MCAM: variants seen among roughly 807,000 people sequenced by gnomAD.
MCAM encodes the protein melanoma cell adhesion molecule, also known as cell surface glycoprotein MUC18.
A neutral mutation model predicts 79.1 loss-of-function variants in MCAM; 55 were observed. That is an observed-to-expected ratio of 0.70 (90% CI 0.56 to 0.87). The LOEUF is 0.87. MCAM is among the 40% of genes least tolerant of loss of function. The probability of loss-of-function intolerance (pLI) is 0.00; values close to 1 mark genes in which losing one functional copy is unlikely to be tolerated. For synonymous variants in MCAM, 330 were observed against 339.8 expected, an observed-to-expected ratio of 0.97 and a Z score of 0.32; for missense variants, 745 against 839.8, an observed-to-expected ratio of 0.89 and a Z score of 1.40.
Position 119,314,554 on chromosome 11 carries a change from T to C in MCAM, c.494A>G (p.Asn165Ser). The change falls in exon 5 of 16, where the codon AAC becomes AGC. Residue 165 changes from asparagine (N) to serine (S), a missense_variant. Asn to Ser is a conservative substitution (Grantham distance 46, BLOSUM62 1). Coordinates refer to ENST00000264036, the MANE Select transcript of MCAM (RefSeq NM_006500.3). ...PEEVATCVGRNGYPIPQVIWY... is the reference protein window; with the variant it reads ...PEEVATCVGRSGYPIPQVIWY... ...GATGACTTGAGGAATGGGGTACCCG[T>C]TCCTCCCTACACAGGTAGCGACCTA... 6.2e-7 allele frequency: 1 copy of C among 1,613,938 alleles called. No individual in the cohort carries two copies. Among genetic ancestry groups the C allele is most frequent in the Non-Finnish European group, 8.5e-7 (1 of 1,179,992 alleles).
chr11:119,308,545 GC>G lies in MCAM; in HGVS notation c.*1340del, dbSNP rs1950172713. ...AATGTATGATTTCTGGGACAATTAA[GC>G]TTTATTTTTCATATATATATATATT... On this transcript the variant is annotated 3_prime_UTR_variant, in exon 16 of 16. Transcript: ENST00000264036. 6.6e-6 allele frequency: 1 copy of G among 150,540 alleles called. No homozygotes were observed. Among genetic ancestry groups the G allele is most frequent in the Non-Finnish European group, 1.5e-5 (1 of 67,700 alleles). The allele number at this position is 150,540 out of a possible 1,614,324, so 9.3% of individuals were successfully genotyped here. A position where few individuals can be genotyped will look rare whatever the true frequency, so the allele number is the denominator to read the frequency against.
chr11:119,314,785 A>G (rs202170512), intron 3 of MCAM, 36 bp from the exon 4 acceptor site: 1 of 1,613,300 alleles, frequency 6.2e-7, no homozygotes, highest in East Asian at 2.2e-5. Context: ...ACATCTGGCC[A>G]CGTCCCACCA....
In MCAM at chr11:119,312,120, T is replaced by C. The variant is rs2135339932; in HGVS notation, c.1075A>G (p.Ser359Gly). The change falls in exon 9 of 16, where the codon AGC becomes GGC. Residue 359 changes from serine (S) to glycine (G), a missense_variant. Ser to Gly is a moderately conservative substitution (Grantham distance 56). Transcript: ENST00000264036. The surrounding 1 kb of genome is among the most constrained non-coding windows in gnomAD (Gnocchi z 4.9). Reference protein sequence around the residue: ...SPAAPERQEGSSLTLTCEAES... With the variant: ...SPAAPERQEGGSLTLTCEAES... ...GCCTCACAGGTCAGGGTGAGGCTGC[T>C]GCCTTCCTGTCTCTCAGGGGCTGCG... The C allele has an allele frequency of 6.2e-7, 1 of 1,613,578 alleles. No individual in the cohort carries two copies. The highest frequency in any genetic ancestry group is 8.5e-7 in the Non-Finnish European group (1 of 1,179,818).
In MCAM at chr11:119,316,991, G is replaced by A. The variant is rs1302060512; in HGVS notation, c.67+44C>T. 13 of 1,489,504 alleles carry A rather than the reference G, an allele frequency of 8.7e-6. No homozygotes were observed. In the African/African-American group the frequency reaches 1.7e-4, roughly 20 times the overall value. 92.3% of individuals were successfully genotyped at this position (1,489,504 alleles called of 1,614,324 possible). On this transcript the variant is annotated intron_variant, in intron 1 of 15. Transcript: ENST00000264036. The surrounding 1 kb of genome is among the most constrained non-coding windows in gnomAD (Gnocchi z 4.8). ...GCTCTGCTCCCTGGCACGCTCCACC[G>A]CAGACCCCTAGCCGGGGCGCGGCCC...
rs1174670895 is a variant in MCAM at position 119,312,342 on chromosome 11, C to A, written c.948G>T (p.Gly316=). ...AGTCCAGGCCCTGACATTCATAGCG[C>A]CCACTGTGTTCCTTCCGGGCAGGCT... The part of the protein sequence containing the change: ...VLEPARKEHS[G]RYECQGLDLD... Residue 316 remains glycine (G), a synonymous_variant, in exon 8 of 16, where the codon GGG becomes GGT. Transcript: ENST00000264036. The surrounding 1 kb of genome is among the most constrained non-coding windows in gnomAD (Gnocchi z 4.9). 1 of 1,614,132 alleles carries A rather than the reference C, an allele frequency of 6.2e-7. No individual in the cohort carries two copies.
rs879151591 is a variant in MCAM, at chr11:119,309,830, G to T, written c.*56C>A. The T allele has an allele frequency of 2.5e-5, 38 of 1,536,036 alleles. 2 individuals are homozygous for T. The Admixed American group carries it at 6.8e-4, about 28-fold the overall frequency. ...TTTGGAGGCTTTGGCTGAGAGAAGA[G>T]TGAGCAGGGAGCTGGGAATGGTCCA... On this transcript the variant is annotated 3_prime_UTR_variant, in exon 16 of 16. Coordinates refer to ENST00000264036, the MANE Select transcript of MCAM (RefSeq NM_006500.3).
chr11:119,313,004 C>T, intron 5 of MCAM, 55 bp from the exon 6 acceptor site: 1 of 1,610,886 alleles, frequency 6.2e-7, no homozygotes, highest in Non-Finnish European at 8.5e-7. Context: ...TCCAGCCCCA[C>T]CCTAGGGTTG....
In MCAM at chr11:119,316,814, C is replaced by A; in HGVS notation, c.67+221G>T. The stretch of plus-strand genomic sequence containing the variant: ...GTTCCCAGAAGCAGCCTCCTCCCCG[C>A]CTTCCGAGTGCTGCTCCCGGGATAC... On this transcript the variant is annotated intron_variant, in intron 1 of 15. Transcript: ENST00000264036. The surrounding 1 kb of genome is among the most constrained non-coding windows in gnomAD (Gnocchi z 4.8). 1 of 517,298 alleles carries A rather than the reference C, an allele frequency of 1.9e-6. No individual in the cohort carries two copies. The highest frequency in any genetic ancestry group is 3.4e-6 in the Non-Finnish European group (1 of 291,950). The allele number at this position is 517,298 out of a possible 1,614,324, so 32.0% of individuals were successfully genotyped here.
At position 119,312,160 on chromosome 11, in the gene MCAM, G is replaced by A. The variant is rs775757717; in HGVS notation, c.1035C>T (p.Asp345=). 35 of 1,612,608 alleles carry A rather than the reference G, an allele frequency of 2.2e-5. No individual in the cohort carries two copies. Among genetic ancestry groups the A allele is most frequent in the South Asian group, 8.8e-5 (8 of 90,854 alleles). Residue 345 remains aspartate, a synonymous_variant, in exon 9 of 16, where the codon GAC becomes GAT. Coordinates refer to ENST00000264036, the MANE Select transcript of MCAM (RefSeq NM_006500.3). This position sits in a 1 kb window ranked among gnomAD's most constrained non-coding sequence, Gnocchi z 4.9. The part of the protein sequence containing the change: ...PQELLVNYVS[D]VRVSPAAPER... ...CAGGGGCTGCGGGACTCACTCGGAC[G>A]TCAGACACATCTGGGGGTACAGCAA...
rs1198730071 is a variant in MCAM at position 119,309,180 on chromosome 11, TAGCC to T, written c.*702_*705del. The T allele has an allele frequency of 6.6e-6, 1 of 152,354 alleles. No individual in the cohort carries two copies. Among genetic ancestry groups the T allele is most frequent in the African/African-American group, 2.4e-5 (1 of 41,448 alleles). The allele number at this position is 152,354 out of a possible 1,614,324, so 9.4% of individuals were successfully genotyped here. On this transcript the variant is annotated 3_prime_UTR_variant, in exon 16 of 16. Transcript: ENST00000264036. ...TAGTAGAGACAGGGTTTCACCGTGT[TAGCC>T]AGGATGGTCTCGTCCTGACTTTGTG...
chr11:119,308,810 C>T lies in MCAM; in HGVS notation c.*1076G>A, dbSNP rs1441521767. 1 of 152,044 alleles carries T rather than the reference C, an allele frequency of 6.6e-6. No individual in the cohort carries two copies. Among genetic ancestry groups the T allele is most frequent in the Admixed American group, 6.5e-5 (1 of 15,272 alleles). The allele number at this position is 152,044 out of a possible 1,614,324, so 9.4% of individuals were successfully genotyped here. ...CTAATATAACCATAGCTTTAATCCC[C>T]ATGAAGGACAGTGTAGACCTCATCT... On this transcript the variant is annotated 3_prime_UTR_variant, in exon 16 of 16. Coordinates refer to ENST00000264036, the MANE Select transcript of MCAM (RefSeq NM_006500.3).
At chr11:119,313,312 C>G (rs1950262283) in intron 5 of MCAM, 1 of 1,320,768 alleles carries the variant, frequency 7.6e-7, no homozygotes, top group African/African-American at 1.5e-5. Context: ...ATAGACTGAC[C>G]CAGAAACATT....
intron 5 of MCAM, chr11:119,314,036 G>T: frequency 1.0e-6 from 1 of 981,976 alleles, no homozygotes; most frequent in Non-Finnish European, 1.2e-6. Context: ...CAGGCAAGAA[G>T]AAACTTCTAG....
rs1187708953 is a variant in MCAM at position 119,309,816 on chromosome 11, T to TGGCTGAGAGAAGAGTGAGCAGGG, written c.*47_*69dup. 6.8e-7 allele frequency: 1 copy of TGGCTGAGAGAAGAGTGAGCAGGG among 1,469,112 alleles called. No individual in the cohort carries two copies. The highest frequency in any genetic ancestry group is 9.4e-7 in the Non-Finnish European group (1 of 1,066,124). The allele number at this position is 1,469,112 out of a possible 1,614,324, so 91.0% of individuals were successfully genotyped here. ...TTCTCTCTAGTCCCTTTGGAGGCTTTGGCTGAGAGAAGAGTGAGCAGGGAG... is the reference window on the plus strand; with the variant it reads ...TTCTCTCTAGTCCCTTTGGAGGCTTTGGCTGAGAGAAGAGTGAGCAGGGGGCTGAGAGAAGAGTGAGCAGGGAG... On this transcript the variant is annotated 3_prime_UTR_variant, in exon 16 of 16. Coordinates refer to ENST00000264036, the MANE Select transcript of MCAM (RefSeq NM_006500.3).
rs1308544180 is a variant in MCAM, at chr11:119,315,378, C to T, written c.68-115G>A. 2 of 1,355,552 alleles carry T rather than the reference C, an allele frequency of 1.5e-6. No homozygotes were observed. The highest frequency in any genetic ancestry group is 2.0e-6 in the Non-Finnish European group (2 of 1,004,102). 84.0% of individuals were successfully genotyped at this position (1,355,552 alleles called of 1,614,324 possible). ...TGCCACTCAGAGGGTCTGCAGAGGG[C>T]CCTGTCCTCTGAACGCTCTACCCCC... On this transcript the variant is annotated intron_variant, in intron 1 of 15. Transcript: ENST00000264036. The surrounding 1 kb of genome is among the most constrained non-coding windows in gnomAD (Gnocchi z 4.4).
rs754252636 is a variant in MCAM, at chr11:119,314,459, G to C, written c.559+30C>G. On this transcript the variant is annotated intron_variant, in intron 5 of 15. Coordinates refer to ENST00000264036, the MANE Select transcript of MCAM (RefSeq NM_006500.3). ...GTGTGAGCTACCACACCTGGCCCAA[G>C]GGTGGCTTTTGGGAGAAAGGGCTAC... is the stretch of plus-strand genomic sequence containing the variant. The C allele has an allele frequency of 2.5e-6, 4 of 1,589,124 alleles. No individual in the cohort carries two copies. In the South Asian group the frequency reaches 4.4e-5, roughly 18 times the overall value.
rs1409069269 is a variant in MCAM, at chr11:119,316,523, G to C, written c.67+512C>G. On this transcript the variant is annotated intron_variant, in intron 1 of 15. Transcript: ENST00000264036. The surrounding 1 kb of genome is among the most constrained non-coding windows in gnomAD (Gnocchi z 4.8). ...GCCCCGCAACCCCTGCCAACGCCCAGCTCGGGCGGGAGCCGCCGAACCTCC... is the reference window on the plus strand; with the variant it reads ...GCCCCGCAACCCCTGCCAACGCCCACCTCGGGCGGGAGCCGCCGAACCTCC... The C allele has an allele frequency of 6.5e-6, 1 of 154,408 alleles. No homozygotes were observed. The highest frequency in any genetic ancestry group is 2.4e-5 in the African/African-American group (1 of 41,466). The allele number at this position is 154,408 out of a possible 1,614,324, so 9.6% of individuals were successfully genotyped here.
intron 13 of MCAM, 39 bp from the exon 14 acceptor site, chr11:119,310,942 G>A: frequency 6.2e-7 from 1 of 1,613,974 alleles, no homozygotes; most frequent in Non-Finnish European, 8.5e-7. Flanking sequence ...CCCTGCCCCA[G>A]GCCACTTCGT....
intron 14 of MCAM, 116 bp downstream of exon 14, chr11:119,310,640 A>G: frequency 1.7e-6 from 2 of 1,211,242 alleles, no homozygotes; most frequent in East Asian, 2.3e-5. Flanking sequence ...GTAGTGGAGC[A>G]GGCAGCACCC....
Sources: gnomAD v4.1 joint callset for allele counts on GRCh38, gnomAD v4.1.1 for gene constraint, Gnocchi (gnomAD v3.1) non-coding constraint, MANE v1.5 for transcripts, NCBI Gene and HGNC (gene_info 2026-07-23, HGNC 2026-07-21) for gene names.